The following PDPK1 variants were observed in gnomAD, a reference collection of about 807,000 sequenced individuals.
The protein encoded by PDPK1 is 3-phosphoinositide dependent protein kinase 1.
In PDPK1, 7 loss-of-function variants were observed where a neutral mutation model predicts 39.8. The ratio of observed to expected loss-of-function variants is 0.18; its 90% CI spans 0.10 to 0.33. The LOEUF (loss-of-function observed/expected upper bound fraction) is 0.33. Among genes scored for constraint, PDPK1 ranks in the 10% least tolerant of loss-of-function variants. The pLI is 1.00. For missense variants in PDPK1, 182 were observed against 384.7 expected (o/e 0.47, Z 4.41); for synonymous variants, 118 against 159.1 (o/e 0.74, Z 1.95).
rs1473732810 is a variant in PDPK1, at chr16:2,561,905, CTG to C, written c.466+1_466+2del. ...CTTCACATTTCAGGACGACGAGAAG[CTG>C]TGTATCCTTTGCGTGGTTGGTGCCG... ...LYFTFQDDEK[L>X]YFGLSYAKNG... On this transcript the variant is annotated frameshift_variant and splice_region_variant, in exon 4 of 14. Transcript: ENST00000342085. LOFTEE classifies it high-confidence loss of function. 6 of 259,740 alleles carry C rather than the reference CTG, an allele frequency of 2.3e-5. No homozygotes were observed. Among genetic ancestry groups the C allele is most frequent in the African/African-American group, 1.7e-4 (5 of 28,710 alleles). The allele number at this position is 259,740 out of a possible 1,614,324, so 16.1% of individuals were successfully genotyped here.
intron 1 of PDPK1, chr16:2,539,078 C>CTTTTTTTTT (rs57517702): frequency 4.9e-5 from 7 of 143,630 alleles, no homozygotes; most frequent in African/African-American, 2.3e-4. Context: ...CAGGATGCGG[C>CTTTTTTTTT]TTTTTTTTTT....
intron 1 of PDPK1, among the ~76,000 whole-genome samples, chr16:2,547,147 C>T (rs1405675871): frequency 1.3e-5 from 2 of 149,946 alleles, no homozygotes; most frequent in African/African-American, 2.5e-5. Context: ...AGCAGCCAGA[C>T]CCTGGGGAGG....
chr16:2,597,071 G>C lies in PDPK1; in HGVS notation c.1402-52G>C. The C allele has an allele frequency of 2.0e-6, 3 of 1,466,030 alleles. No homozygotes were observed. Among genetic ancestry groups the C allele is most frequent in the Admixed American group, 4.2e-5 (2 of 47,102 alleles). The allele number at this position is 1,466,030 out of a possible 1,614,324, so 90.8% of individuals were successfully genotyped here. Reference sequence around the variant, plus strand: ...CCGCCCAGCCCTCTAGGCTCCAGGAGATGCCGTCAGCACTGGCCTCTGAGG... The same window carrying C: ...CCGCCCAGCCCTCTAGGCTCCAGGACATGCCGTCAGCACTGGCCTCTGAGG... On this transcript the variant is annotated intron_variant, in intron 12 of 13. Coordinates refer to ENST00000342085, the MANE Select transcript of PDPK1 (RefSeq NM_002613.5). The surrounding 1 kb of genome is among the most constrained non-coding windows in gnomAD (Gnocchi z 6.3).
chr16:2,541,264 G>A (rs562657199), intron 1 of PDPK1, among the ~76,000 whole-genome samples: 13 of 152,348 alleles, frequency 8.5e-5, no homozygotes, highest in Admixed American at 7.8e-4. Context: ...GGGAGAAACA[G>A]GGAGTGTTCC....
chr16:2,586,135 T>C (rs1472289186), intron 10 of PDPK1, among the ~76,000 whole-genome samples: 1 of 152,266 alleles, frequency 6.6e-6, no homozygotes, highest in East Asian at 1.9e-4. Flanking sequence ...ACAGTAAGTT[T>C]AGTTTATCTT....
intron 1 of PDPK1, among the ~76,000 whole-genome samples, chr16:2,546,957 C>T (rs999101467): frequency 7.3e-5 from 11 of 150,506 alleles, no homozygotes; most frequent in Admixed American, 3.3e-4. Flanking sequence ...GAGAGCTCTC[C>T]GACCTCGGTG....
In PDPK1 at chr16:2,538,150, G is replaced by A; in HGVS notation, c.24+14G>A. On this transcript the variant is annotated intron_variant, in intron 1 of 13. Transcript: ENST00000342085. Reference sequence around the variant, plus strand: ...ACCAGCCAGCTGGTGAGCGCGCGGCGGCGGACTGGACGCGCCGGTTTGTTA... The same window carrying A: ...ACCAGCCAGCTGGTGAGCGCGCGGCAGCGGACTGGACGCGCCGGTTTGTTA... 9.4e-7 allele frequency: 1 copy of A among 1,059,370 alleles called. No individual in the cohort carries two copies. Among genetic ancestry groups the A allele is most frequent in the Non-Finnish European group, 1.1e-6 (1 of 877,200 alleles). The allele number at this position is 1,059,370 out of a possible 1,614,324, so 65.6% of individuals were successfully genotyped here.
chr16:2,593,109 G>A lies in PDPK1; in HGVS notation c.1344-2684G>A, dbSNP rs1175479048. ...CGCTTCCTCAGTGAGTCCTCCCCAG[G>A]CTGCAGGTGCCGAGCGGGAGCACCA... On this transcript the variant is annotated intron_variant, in intron 11 of 13. Coordinates refer to ENST00000342085, the MANE Select transcript of PDPK1 (RefSeq NM_002613.5). The surrounding 1 kb of genome is among the most constrained non-coding windows in gnomAD (Gnocchi z 4.2). 2.2e-6 allele frequency: 1 copy of A among 455,348 alleles called. No individual in the cohort carries two copies. Among genetic ancestry groups the A allele is most frequent in the Non-Finnish European group, 4.4e-6 (1 of 226,950 alleles). 28.2% of individuals were successfully genotyped at this position (455,348 alleles called of 1,614,324 possible). A position where few individuals can be genotyped will look rare whatever the true frequency, so the allele number is the denominator to read the frequency against.
rs1051727910 is a variant in PDPK1, at chr16:2,599,176, C to G, written c.*1409C>G. On this transcript the variant is annotated 3_prime_UTR_variant, in exon 14 of 14. Transcript: ENST00000342085. ...CCTGGTGGCCTGGCAGGTCTGGGCC[C>G]TTCTCTCCCTGCCCAGGTTGTCCCT... 2 of 233,360 alleles carry G rather than the reference C, an allele frequency of 8.6e-6. No individual in the cohort carries two copies. The highest frequency in any genetic ancestry group is 2.2e-5 in the African/African-American group (1 of 45,358). The allele number at this position is 233,360 out of a possible 1,614,324, so 14.5% of individuals were successfully genotyped here.
At chr16:2,541,201 G>A (rs952453510) in intron 1 of PDPK1, among the ~76,000 whole-genome samples, 3 of 152,188 alleles carry the variant, frequency 2.0e-5, no homozygotes, top group African/African-American at 7.2e-5. Context: ...GAGGCCTTGG[G>A]CAGCTCTTCT....
Position 2,597,088 on chromosome 16 carries a change from C to T in PDPK1, c.1402-35C>T, listed in dbSNP as rs1197466568. On this transcript the variant is annotated intron_variant, in intron 12 of 13. Transcript: ENST00000342085. The surrounding 1 kb of genome is among the most constrained non-coding windows in gnomAD (Gnocchi z 6.3). ...CTCCAGGAGATGCCGTCAGCACTGG[C>T]CTCTGAGGCCTGTTGTTTTGTGTTT... The T allele has an allele frequency of 3.9e-6, 6 of 1,522,616 alleles. No homozygotes were observed. In the African/African-American group the frequency reaches 8.3e-5, roughly 21 times the overall value. The allele number at this position is 1,522,616 out of a possible 1,614,324, so 94.3% of individuals were successfully genotyped here.
Position 2,586,783 on chromosome 16 carries a change from C to T in PDPK1, c.1233C>T (p.Asn411=). 1 of 1,614,226 alleles carries T rather than the reference C, an allele frequency of 6.2e-7. No homozygotes were observed. The highest frequency in any genetic ancestry group is 8.5e-7 in the Non-Finnish European group (1 of 1,180,030). ...GCCTGCCCCAGAGGTCAGGCAGCAA[C>T]ATAGAGCAGTACATTCACGATCTGG... ...DTGLPQRSGS[N]IEQYIHDLDS... is the part of the protein sequence containing the mutation. Residue 411 remains asparagine, a synonymous_variant, in exon 11 of 14, where the codon AAC becomes AAT. Transcript: ENST00000342085.
chr16:2,544,877 A>G (rs1280781378), intron 1 of PDPK1, among the ~76,000 whole-genome samples: 3 of 151,862 alleles, frequency 2.0e-5, no homozygotes, highest in South Asian at 2.1e-4. Flanking sequence ...GAGCCACCAC[A>G]CCTGGCCCAA....
At chr16:2,592,819 C>A (rs2067017202) in intron 11 of PDPK1, 2 of 456,288 alleles carry the variant, frequency 4.4e-6, no homozygotes, top group African/African-American at 2.0e-5. Flanking sequence ...TGTCCATGCA[C>A]CCTGGGCCAC....
intron 11 of PDPK1, chr16:2,592,762 A>G (rs1380310033): frequency 8.8e-6 from 4 of 454,726 alleles, no homozygotes; most frequent in Admixed American, 4.7e-5. Flanking sequence ...TCCGCTGCAC[A>G]CACGCTGTGC....
In PDPK1 at chr16:2,601,158, G is replaced by A. The variant is rs895717425; in HGVS notation, c.*3391G>A. ...GGAAGTGGTATTTTGAGGTGAAAGA[G>A]TTTGTTCATTTTGAAGATATTTCTG... On this transcript the variant is annotated 3_prime_UTR_variant, in exon 14 of 14. Coordinates refer to ENST00000342085, the MANE Select transcript of PDPK1 (RefSeq NM_002613.5). The A allele has an allele frequency of 8.6e-6, 2 of 232,952 alleles. No homozygotes were observed. The highest frequency in any genetic ancestry group is 4.4e-5 in the African/African-American group (2 of 45,248). The allele number at this position is 232,952 out of a possible 1,614,324, so 14.4% of individuals were successfully genotyped here.
rs141409202 is a variant in PDPK1 at position 2,544,076 on chromosome 16, A to AC, written c.24+5940_24+5941insC. Among the ~76,000 whole-genome samples, 445 of 152,258 alleles carry AC rather than the reference A, an allele frequency of 2.9e-3. 3 individuals carry two copies. Among genetic ancestry groups the AC allele is most frequent in the African/African-American group, 0.01 (424 of 41,546 alleles). On this transcript the variant is annotated intron_variant, in intron 1 of 13. Coordinates refer to ENST00000342085, the MANE Select transcript of PDPK1 (RefSeq NM_002613.5). ...TTAGGGAATCATGACAATAAAAAAA[A>AC]GTCTGTGCATGTTCAGTACAGATGC... is the stretch of plus-strand genomic sequence containing the variant.
chr16:2,597,369 C>T lies in PDPK1; in HGVS notation c.1554+94C>T, dbSNP rs144926872. On this transcript the variant is annotated intron_variant, in intron 13 of 13. Transcript: ENST00000342085. The surrounding 1 kb of genome is among the most constrained non-coding windows in gnomAD (Gnocchi z 6.3). ...CACAGGCCTTGGCCAGAGGGAGCAGCGGGGATCGGGGCAGCTGCCTCGCCC... is the reference window on the plus strand; with the variant it reads ...CACAGGCCTTGGCCAGAGGGAGCAGTGGGGATCGGGGCAGCTGCCTCGCCC... 3.0e-5 allele frequency: 34 copies of T among 1,144,084 alleles called. No individual in the cohort carries two copies. Among genetic ancestry groups the T allele is most frequent in the East Asian group, 9.5e-5 (4 of 42,136 alleles). 70.9% of individuals were successfully genotyped at this position (1,144,084 alleles called of 1,614,324 possible).
intron 1 of PDPK1, among the ~76,000 whole-genome samples, chr16:2,551,393 G>A (rs1462775980): frequency 6.6e-6 from 1 of 151,504 alleles, no homozygotes; most frequent in African/African-American, 2.4e-5. Flanking sequence ...CTGACCTGAG[G>A]GCAGGATCCC....
Sources: gnomAD v4.1 joint callset for allele counts (sites outside exome capture counted in the v4.1 genomes callset) on GRCh38, gnomAD v4.1.1 for gene constraint, Gnocchi (gnomAD v3.1) non-coding constraint, MANE v1.5 for transcripts, NCBI Gene and HGNC (gene_info 2026-07-23, HGNC 2026-07-21) for gene names.